ARHGEF6: variants seen among roughly 807,000 people sequenced by gnomAD.
The protein encoded by ARHGEF6 is Rac/Cdc42 guanine nucleotide exchange factor 6, also known as rho guanine nucleotide exchange factor 6.
ARHGEF6 carries 9 observed loss-of-function variants against 70.3 expected under a neutral mutation model. The ratio of observed to expected loss-of-function variants is 0.13; its 90% CI spans 0.08 to 0.22. The LOEUF (loss-of-function observed/expected upper bound fraction) is 0.22, where lower values mean the gene tolerates loss of function less well. Among genes scored for constraint, ARHGEF6 ranks in the 10% least tolerant of loss-of-function variants. The pLI, the probability that ARHGEF6 is intolerant of heterozygous loss-of-function variation, is 1.00. For missense variants in ARHGEF6, 470 were observed against 563.0 expected (o/e 0.83, Z 1.67); for synonymous variants, 201 against 207.8 (o/e 0.97, Z 0.28).
At chrX:136,703,128 A>G (rs746018554) in intron 9 of ARHGEF6, among the ~76,000 whole-genome samples, 1 of 112,389 alleles carries the variant, frequency 8.9e-6, no homozygotes, top group African/African-American at 3.2e-5. Context: ...ATAAAACTCT[A>G]AGAAAATAAA....
intron 5 of ARHGEF6, among the ~76,000 whole-genome samples, chrX:136,743,085 G>A (rs1290435204): frequency 1.8e-5 from 2 of 112,346 alleles, no homozygotes; most frequent in East Asian, 5.6e-4. Flanking sequence ...AGTATTCAGT[G>A]AGTTAAGGGC....
At chrX:136,708,985 G>A (rs972598952) in intron 7 of ARHGEF6, among the ~76,000 whole-genome samples, 2 of 111,867 alleles carry the variant, frequency 1.8e-5, no homozygotes, top group African/African-American at 6.5e-5. Context: ...TGGAGTGGTC[G>A]TAAGGGACAA....
In ARHGEF6 at chrX:136,780,811, G is replaced by T. The variant is rs2077441368; in HGVS notation, c.72C>A (p.Ile24=). 8.3e-7 allele frequency: 1 copy of T among 1,211,170 alleles called. No individual in the cohort carries two copies. Among genetic ancestry groups the T allele is most frequent in the South Asian group, 1.8e-5 (1 of 56,972 alleles). Residue 24 remains isoleucine (I), a synonymous_variant, in exon 1 of 22, where the codon ATC becomes ATA. Coordinates refer to ENST00000250617, the MANE Select transcript of ARHGEF6 (RefSeq NM_004840.3). ...LGVLESPKKT[I]CDPEEFLKSS... ...ACTTTAAAAACTCCTCCGGATCACA[G>T]ATGGTCTTTTTAGGGGACTCTAAAA... is the stretch of plus-strand genomic sequence containing the variant.
At chrX:136,683,088 C>A (rs2076349571) in intron 12 of ARHGEF6, among the ~76,000 whole-genome samples, 2 of 111,735 alleles carry the variant, frequency 1.8e-5, no homozygotes, top group Admixed American at 1.9e-4. Flanking sequence ...TACAAATAAC[C>A]ATGCTTGCTT....
rs766014261 is a variant in ARHGEF6 at position 136,708,710 on chromosome X, T to C, written c.888A>G (p.Gln296=). ...LGNFEEVCTF[Q]QTLCQALEEC... The stretch of plus-strand genomic sequence containing the variant: ...CTTCCAAGGCTTGGCAGAGTGTCTG[T>C]TGAAATGTGCATACTTCCTCGAAGT... The change falls in exon 8 of 22, where the codon CAA becomes CAG. Residue 296 remains glutamine, a synonymous_variant. Coordinates refer to ENST00000250617, the MANE Select transcript of ARHGEF6 (RefSeq NM_004840.3). 19 of 1,206,236 alleles carry C rather than the reference T, an allele frequency of 1.6e-5. No individual in the cohort carries two copies. In the South Asian group the frequency reaches 3.0e-4, roughly 19 times the overall value.
intron 2 of ARHGEF6, among the ~76,000 whole-genome samples, chrX:136,769,338 G>A (rs2077347409): frequency 9.0e-6 from 1 of 111,349 alleles, no homozygotes; most frequent in African/African-American, 3.3e-5. Flanking sequence ...CTTTAACCCG[G>A]GAGGTGGAGG....
chrX:136,679,639 G>A lies in ARHGEF6; in HGVS notation c.1726C>T (p.Pro576Ser), dbSNP rs764498295. 2 of 1,211,527 alleles carry A rather than the reference G, an allele frequency of 1.7e-6. No homozygotes were observed. Among genetic ancestry groups the A allele is most frequent in the Non-Finnish European group, 1.1e-6 (1 of 895,142 alleles). Residue 576 changes from proline to serine, a missense_variant, in exon 16 of 22, where the codon CCC (proline) becomes TCC (serine). By Grantham distance (74) the Pro-to-Ser change is moderately conservative (BLOSUM62 -1). This residue lies in a region of ARHGEF6 where 379 missense variants were observed against 449.3 expected (regional missense o/e 0.84). Transcript: ENST00000250617. ...AHSSFSSTGQ[P>S]RGPLEPPQII... Reference sequence around the variant, plus strand: ...TGAGGAGGCTCCAAGGGTCCTCGGGGCTGTCCGGTAGAGCTAAAAGACTGG... The same window carrying A: ...TGAGGAGGCTCCAAGGGTCCTCGGGACTGTCCGGTAGAGCTAAAAGACTGG...
chrX:136,716,937 G>T (rs936433285), intron 6 of ARHGEF6, among the ~76,000 whole-genome samples: 2 of 111,883 alleles, frequency 1.8e-5, no homozygotes, highest in African/African-American at 6.5e-5. Context: ...AGAGGAAAAA[G>T]ACTGGGGGTA....
intron 20 of ARHGEF6, 84 bp downstream of exon 20, chrX:136,671,936 A>G: frequency 3.8e-6 from 3 of 783,598 alleles, no homozygotes; most frequent in Non-Finnish European, 5.9e-6. Flanking sequence ...CCCTCATCAT[A>G]GACTCTCCAG....
intron 9 of ARHGEF6, among the ~76,000 whole-genome samples, chrX:136,700,481 C>T (rs923127583): frequency 1.8e-5 from 2 of 110,171 alleles, no homozygotes; most frequent in African/African-American, 6.6e-5. Flanking sequence ...GAGCTGAGAT[C>T]GCGCCACTGC....
At chrX:136,780,572 AAAAC>A in intron 1 of ARHGEF6, 142 bp downstream of exon 1, 1 of 621,058 alleles carries the variant, frequency 1.6e-6, no homozygotes, top group Non-Finnish European at 2.6e-6. Context: ...TCAAACTACA[AAAAC>A]AGTAAGAAAG....
rs932174174 is a variant in ARHGEF6 at position 136,666,121 on chromosome X, G to A, written c.*1908C>T. On this transcript the variant is annotated 3_prime_UTR_variant, in exon 22 of 22. Transcript: ENST00000250617. Reference sequence around the variant, plus strand: ...AAGGATGTTATATCTAAATGGCTGTGCTAAAAAACAGAACAACAGCCATTC... The same window carrying A: ...AAGGATGTTATATCTAAATGGCTGTACTAAAAAACAGAACAACAGCCATTC... The A allele has an allele frequency of 8.9e-6, 1 of 112,327 alleles. No individual in the cohort carries two copies. Among genetic ancestry groups the A allele is most frequent in the African/African-American group, 3.2e-5 (1 of 30,839 alleles). The allele number at this position is 112,327 out of a possible 1,213,427, so 9.3% of individuals were successfully genotyped here. A position where few individuals can be genotyped will look rare whatever the true frequency, so the allele number is the denominator to read the frequency against.
At chrX:136,771,482 A>G (rs1009197190) in intron 2 of ARHGEF6, among the ~76,000 whole-genome samples, 1 of 112,648 alleles carries the variant, frequency 8.9e-6, no homozygotes, top group African/African-American at 3.2e-5. Context: ...GAATTGGCTA[A>G]TGTTGTCTTT....
At chrX:136,724,693 T>C (rs1410465196) in intron 6 of ARHGEF6, among the ~76,000 whole-genome samples, 1 of 110,844 alleles carries the variant, frequency 9.0e-6, no homozygotes, top group Non-Finnish European at 1.9e-5. Context: ...TCTCACTATG[T>C]TGCCCAGGCC....
chrX:136,733,130 T>TA (rs1198148045), intron 5 of ARHGEF6, among the ~76,000 whole-genome samples: 153 of 105,965 alleles, frequency 1.4e-3, no homozygotes, highest in African/African-American at 3.4e-3. Context: ...TCTTTTTTTT[T>TA]AAAAAAAAAA....
At chrX:136,761,805 G>A (rs751438560) in intron 2 of ARHGEF6, among the ~76,000 whole-genome samples, 1 of 112,223 alleles carries the variant, frequency 8.9e-6, no homozygotes, top group Admixed American at 9.4e-5. Flanking sequence ...GAAAATGGCT[G>A]GATTTTTTTT....
chrX:136,726,904 AG>A (rs2076858417), intron 6 of ARHGEF6, among the ~76,000 whole-genome samples: 1 of 112,683 alleles, frequency 8.9e-6, no homozygotes, highest in African/African-American at 3.2e-5. Flanking sequence ...GTGTTGCAAT[AG>A]TTGCAGTGAA....
At chrX:136,699,172 T>TA (rs1252661144) in intron 9 of ARHGEF6, among the ~76,000 whole-genome samples, 1 of 111,561 alleles carries the variant, frequency 9.0e-6, no homozygotes, top group Non-Finnish European at 1.9e-5. Flanking sequence ...AAATAACAAT[T>TA]ATAGCATGTA....
At chrX:136,706,132 A>G (rs2076624176) in intron 9 of ARHGEF6, among the ~76,000 whole-genome samples, 1 of 111,950 alleles carries the variant, frequency 8.9e-6, no homozygotes, top group African/African-American at 3.2e-5. Context: ...TTTCTGGCCC[A>G]GATGAATGTG....
Sources: gnomAD v4.1 joint callset for allele counts (sites outside exome capture counted in the v4.1 genomes callset) on GRCh38, gnomAD v4.1.1 for gene constraint, gnomAD v4.1.1 regional missense constraint, MANE v1.5 for transcripts, NCBI Gene and HGNC (gene_info 2026-07-23, HGNC 2026-07-21) for gene names.